The following PCDHGA1 variants were observed in gnomAD, a reference collection of about 807,000 sequenced individuals.
The protein encoded by PCDHGA1 is protocadherin gamma subfamily A, 1, also known as protocadherin gamma-A1.
PCDHGA1 carries 32 observed loss-of-function variants against 58.0 expected under a neutral mutation model. The ratio of observed to expected loss-of-function variants is 0.55; its 90% CI spans 0.42 to 0.74. PCDHGA1 has a LOEUF of 0.74. Among genes scored for constraint, PCDHGA1 ranks in the 30% least tolerant of loss-of-function variants. PCDHGA1 has a pLI of 0.00. For missense variants in PCDHGA1, 1,205 were observed against 1,182.3 expected (o/e 1.02, Z -0.28); for synonymous variants, 498 against 501.1 (o/e 0.99, Z 0.08).
At chr5:141,399,692 G>A (rs780007896) in intron 1 of PCDHGA1, 2 of 1,613,318 alleles carry the variant, frequency 1.2e-6, no homozygotes, top group Middle Eastern at 1.7e-4. Flanking sequence ...GAGCAGCTGC[G>A]CACCTTCGAA....
intron 1 of PCDHGA1, among the ~76,000 whole-genome samples, chr5:141,455,580 T>C (rs572453788): frequency 6.6e-6 from 1 of 152,142 alleles, no homozygotes; most frequent in East Asian, 1.9e-4. Flanking sequence ...ACCCCAGCCT[T>C]TTAATATGCA....
At chr5:141,340,925 C>G (rs933536886) in intron 1 of PCDHGA1, 5 of 1,613,802 alleles carry the variant, frequency 3.1e-6, no homozygotes, top group Non-Finnish European at 4.2e-6. Flanking sequence ...CCACGGCCAG[C>G]CCCCTCTCTC....
intron 1 of PCDHGA1, among the ~76,000 whole-genome samples, chr5:141,373,570 G>C (rs1011552232): frequency 1.3e-5 from 2 of 152,200 alleles, no homozygotes; most frequent in Non-Finnish European, 1.5e-5. Context: ...AATGGGACTA[G>C]CATAAATGGT....
At chr5:141,510,810 A>G (rs1455434913) in intron 3 of PCDHGA1, 137 bp from the exon 4 acceptor site, 19 of 1,519,650 alleles carry the variant, frequency 1.3e-5, no homozygotes, top group Admixed American at 2.0e-5. Flanking sequence ...TACCTTGGTG[A>G]CCCCTATATT....
intron 1 of PCDHGA1, among the ~76,000 whole-genome samples, chr5:141,470,591 G>A (rs1271473509): frequency 1.3e-5 from 2 of 152,132 alleles, no homozygotes; most frequent in African/African-American, 4.8e-5. Flanking sequence ...ATAGGCAGGC[G>A]ACCTGTGCGG....
intron 1 of PCDHGA1, chr5:141,422,754 C>T: frequency 1.2e-6 from 2 of 1,612,450 alleles, no homozygotes; most frequent in Non-Finnish European, 1.7e-6. Flanking sequence ...TCTCTATTAA[C>T]TCCAACACTG....
intron 1 of PCDHGA1, chr5:141,413,757 G>C (rs2095674818): frequency 1.2e-6 from 2 of 1,612,920 alleles, no homozygotes; most frequent in African/African-American, 2.7e-5. Flanking sequence ...ATGGCGTCAA[G>C]TACCCGGAGC....
chr5:141,370,383 G>T, intron 1 of PCDHGA1: 2 of 1,533,714 alleles, frequency 1.3e-6, no homozygotes, highest in African/African-American at 1.4e-5. Flanking sequence ...AGGCAAAGGC[G>T]CAGAGAGCGG....
intron 1 of PCDHGA1, among the ~76,000 whole-genome samples, chr5:141,363,553 A>G (rs954649159): frequency 4.6e-5 from 7 of 152,274 alleles, no homozygotes; most frequent in African/African-American, 9.6e-5. Context: ...ATATTTGAAC[A>G]TGGTAATAGA....
intron 1 of PCDHGA1, chr5:141,375,805 C>G (rs748127561): frequency 6.2e-7 from 1 of 1,614,214 alleles, no homozygotes; most frequent in Admixed American, 1.7e-5. Flanking sequence ...GTTCCACTGG[C>G]GTGGAGCTGG....
intron 1 of PCDHGA1, chr5:141,394,313 C>T (rs2092972755): frequency 1.2e-6 from 2 of 1,614,022 alleles, no homozygotes; most frequent in East Asian, 2.2e-5. Flanking sequence ...AGGGGGCGCC[C>T]CTGTCCTCGT....
intron 1 of PCDHGA1, chr5:141,357,666 A>G (rs1478472346): frequency 1.9e-6 from 3 of 1,600,280 alleles, no homozygotes; most frequent in South Asian, 1.1e-5. Context: ...AAATATAGAC[A>G]AAGAGTTGTG....
rs775122106 is a variant in PCDHGA1 at position 141,410,519 on chromosome 5, C to CT, written c.2421+77415dup. On this transcript the variant is annotated intron_variant, in intron 1 of 3. Coordinates refer to ENST00000517417, the MANE Select transcript of PCDHGA1 (RefSeq NM_018912.3). ...TAATTTCCTAAAATGCAGTGTGCCCCTACATTCCAATGAAGACATGGTTTG... is the reference window on the plus strand; with the variant it reads ...TAATTTCCTAAAATGCAGTGTGCCCCTTACATTCCAATGAAGACATGGTTTG... 5.9e-5 allele frequency: 95 copies of CT among 1,613,978 alleles called. 1 individual carries two copies. In the South Asian group the frequency reaches 1.0e-3, roughly 17 times the overall value.
Position 141,394,674 on chromosome 5 carries a change from C to A in PCDHGA1, c.2421+61569C>A, listed in dbSNP as rs1236446796. ...CGAGCCGGGACTCTTCTCGGTGGGT[C>A]TGCACACGGGCGAGGTGCGCACGGC... On this transcript the variant is annotated intron_variant, in intron 1 of 3. Coordinates refer to ENST00000517417, the MANE Select transcript of PCDHGA1 (RefSeq NM_018912.3). 5.0e-6 allele frequency: 8 copies of A among 1,612,640 alleles called. No homozygotes were observed. The highest frequency in any genetic ancestry group is 6.8e-6 in the Non-Finnish European group (8 of 1,179,760).
chr5:141,476,328 G>C lies in PCDHGA1; in HGVS notation c.2422-18479G>C, dbSNP rs1381722714. On this transcript the variant is annotated intron_variant, in intron 1 of 3. Coordinates refer to ENST00000517417, the MANE Select transcript of PCDHGA1 (RefSeq NM_018912.3). This position sits in a 1 kb window ranked among gnomAD's most constrained non-coding sequence, Gnocchi z 7.6. Reference sequence around the variant, plus strand: ...GCCCGCAGGTTCCGGGTGGTGTCTGGAGCTAGCCGAAGATTCTTTGAGGTG... The same window carrying C: ...GCCCGCAGGTTCCGGGTGGTGTCTGCAGCTAGCCGAAGATTCTTTGAGGTG... 1 of 1,614,176 alleles carries C rather than the reference G, an allele frequency of 6.2e-7. No individual in the cohort carries two copies. Among genetic ancestry groups the C allele is most frequent in the East Asian group, 2.2e-5 (1 of 44,864 alleles).
intron 1 of PCDHGA1, chr5:141,355,794 C>T: frequency 6.2e-7 from 1 of 1,613,452 alleles, no homozygotes; most frequent in Non-Finnish European, 8.5e-7. Context: ...TGCTGGAACG[C>T]GCTCTAGATC....
intron 1 of PCDHGA1, chr5:141,384,038 G>C (rs1779701578): frequency 6.2e-7 from 1 of 1,613,110 alleles, no homozygotes; most frequent in East Asian, 2.2e-5. Flanking sequence ...GGAAAGAATG[G>C]TGAGGTGACC....
At chr5:141,381,443 C>T (rs1777196570) in intron 1 of PCDHGA1, among the ~76,000 whole-genome samples, 1 of 152,224 alleles carries the variant, frequency 6.6e-6, no homozygotes, top group Admixed American at 6.5e-5. Flanking sequence ...CCTGTCAGGA[C>T]AGTCCTGCAT....
intron 1 of PCDHGA1, chr5:141,383,693 A>C (rs771447649): frequency 3.7e-6 from 6 of 1,613,930 alleles, no homozygotes; most frequent in Non-Finnish European, 5.1e-6. Context: ...CTCACGGTAC[A>C]TGCTATCGAC....
Sources: gnomAD v4.1 joint callset for allele counts (sites outside exome capture counted in the v4.1 genomes callset) on GRCh38, gnomAD v4.1.1 for gene constraint, Gnocchi (gnomAD v3.1) non-coding constraint, MANE v1.5 for transcripts, NCBI Gene and HGNC (gene_info 2026-07-23, HGNC 2026-07-21) for gene names.